The following SOCS4 variants were observed in gnomAD, a reference collection of about 807,000 sequenced individuals.
SOCS4 encodes SH2 domain containing SOCS box protein.
SOCS4 carries 20 observed loss-of-function variants against 34.1 expected under a neutral mutation model. The observed-to-expected ratio is 0.59, with a 90% CI of 0.41 to 0.85. The LOEUF (loss-of-function observed/expected upper bound fraction) is 0.85. SOCS4 is among the 40% of genes least tolerant of loss of function. SOCS4 has a pLI of 0.00. For synonymous variants in SOCS4, 180 were observed against 186.4 expected (o/e 0.97, Z 0.28); for missense variants, 479 against 532.4 (o/e 0.90, Z 0.99).
At chr14:55,038,310 A>G (rs1351549634) in intron 2 of SOCS4, among the ~76,000 whole-genome samples, 1 of 152,220 alleles carries the variant, frequency 6.6e-6, no homozygotes, top group Non-Finnish European at 1.5e-5. Context: ...ATCAAGTCTG[A>G]TAACCCAGGA....
rs537030559 is a variant in SOCS4 at position 55,035,831 on chromosome 14, C to T, written c.-91+3840C>T. On this transcript the variant is annotated intron_variant, in intron 2 of 2. Coordinates refer to ENST00000555846, the MANE Select transcript of SOCS4 (RefSeq NM_199421.2). ...GCACAAAACAGAAACTGGACTTAAA[C>T]CATGTTTCTTTTTTTTTTTTCTTCC... Among the ~76,000 whole-genome samples the T allele has an allele frequency of 5.9e-3, 776 of 130,954 alleles. 1 individual carries two copies. The highest frequency in any genetic ancestry group is 9.5e-3 in the Non-Finnish European group (592 of 62,332). The allele number at this position is 130,954 out of a possible 152,430, so 85.9% of individuals were successfully genotyped here. A position where few individuals can be genotyped will look rare whatever the true frequency, so the allele number is the denominator to read the frequency against.
At chr14:55,032,235 A>G (rs897577201) in intron 2 of SOCS4, among the ~76,000 whole-genome samples, 3 of 152,238 alleles carry the variant, frequency 2.0e-5, no homozygotes, top group Non-Finnish European at 4.4e-5. Context: ...AGAGGATACT[A>G]ATTAATTTCC....
chr14:55,044,325 T>TA lies in SOCS4; in HGVS notation c.1285dup (p.Arg429LysfsTer6), dbSNP rs771229549. ...AGGAATATCATTATAAATCAAAAGT[T>TA]AGAGTACTCAGGATTGATGCACCAG... On this transcript the variant is annotated frameshift_variant, in exon 3 of 3. Transcript: ENST00000555846. LOFTEE classifies it high-confidence loss of function. 3 of 1,613,078 alleles carry TA rather than the reference T, an allele frequency of 1.9e-6. No homozygotes were observed. The highest frequency in any genetic ancestry group is 1.7e-6 in the Non-Finnish European group (2 of 1,179,502).
At position 55,043,557 on chromosome 14, in the gene SOCS4, G is replaced by A. The variant is rs2042641311; in HGVS notation, c.516G>A (p.Arg172=). 6.2e-7 allele frequency: 1 copy of A among 1,614,092 alleles called. No individual in the cohort carries two copies. The highest frequency in any genetic ancestry group is 8.5e-7 in the Non-Finnish European group (1 of 1,180,010). ...CAGACTTGTCTCAGACTGAATTGAG[G>A]GATGGTCAGCTAAAACGAAGAAATA... is the stretch of plus-strand genomic sequence containing the variant. ...VSTDLSQTEL[R]DGQLKRRNME... is the part of the protein sequence containing the mutation. The change falls in exon 3 of 3, where the codon AGG becomes AGA. Residue 172 remains arginine, a synonymous_variant. Transcript: ENST00000555846.
rs2042673424 is a variant in SOCS4, at chr14:55,046,031, T to C, written c.*1667T>C. ...CTCTATTACCGTTATCTTTTAGCAT[T>C]TTTTTTTTCCTCAGTGATCTCAAGA... On this transcript the variant is annotated 3_prime_UTR_variant, in exon 3 of 3. Coordinates refer to ENST00000555846, the MANE Select transcript of SOCS4 (RefSeq NM_199421.2). 1 of 164,642 alleles carries C rather than the reference T, an allele frequency of 6.1e-6. No individual in the cohort carries two copies. The highest frequency in any genetic ancestry group is 1.5e-5 in the Non-Finnish European group (1 of 67,814). 10.2% of individuals were successfully genotyped at this position (164,642 alleles called of 1,614,324 possible). A position where few individuals can be genotyped will look rare whatever the true frequency, so the allele number is the denominator to read the frequency against.
At chr14:55,037,530 G>T (rs190204584) in intron 2 of SOCS4, among the ~76,000 whole-genome samples, 10 of 149,412 alleles carry the variant, frequency 6.7e-5, no homozygotes, top group Admixed American at 3.3e-4. Context: ...TTTCACTCTT[G>T]TCACCCAGGC....
rs528227939 is a variant in SOCS4, at chr14:55,047,892, G to A, written c.*3528G>A. On this transcript the variant is annotated 3_prime_UTR_variant, in exon 3 of 3. Coordinates refer to ENST00000555846, the MANE Select transcript of SOCS4 (RefSeq NM_199421.2). ...TCATTTTATAGATCCACGCAATAGAGAGCTTCCTTCCTATGAAACAAAAAC... is the reference window on the plus strand; with the variant it reads ...TCATTTTATAGATCCACGCAATAGAAAGCTTCCTTCCTATGAAACAAAAAC... The A allele has an allele frequency of 3.6e-5, 6 of 167,190 alleles. No homozygotes were observed. In the South Asian group the frequency reaches 1.0e-3, roughly 29 times the overall value. 10.4% of individuals were successfully genotyped at this position (167,190 alleles called of 1,614,324 possible).
At chr14:55,038,842 G>C (rs918086224) in intron 2 of SOCS4, among the ~76,000 whole-genome samples, 2 of 152,142 alleles carry the variant, frequency 1.3e-5, no homozygotes, top group Non-Finnish European at 2.9e-5. Context: ...TACCTGCTCT[G>C]TTGGCTTGTG....
At position 55,043,183 on chromosome 14, in the gene SOCS4, G is replaced by C. The variant is rs764642725; in HGVS notation, c.142G>C (p.Asp48His). 2 of 1,614,254 alleles carry C rather than the reference G, an allele frequency of 1.2e-6. No individual in the cohort carries two copies. Among genetic ancestry groups the C allele is most frequent in the African/African-American group, 2.7e-5 (2 of 75,068 alleles). ...SWSKKSESYS[D>H]AETVNGIEKT... ...GTCAAAAAAGAGTGAGAGTTATTCAGATGCTGAGACAGTGAATGGTATAGA... is the reference window on the plus strand; with the variant it reads ...GTCAAAAAAGAGTGAGAGTTATTCACATGCTGAGACAGTGAATGGTATAGA... Residue 48 changes from aspartate to histidine, a missense_variant, in exon 3 of 3, where the codon GAT (aspartate) becomes CAT (histidine). Transcript: ENST00000555846.
At chr14:55,033,487 C>A (rs1276980954) in intron 2 of SOCS4, among the ~76,000 whole-genome samples, 1 of 152,126 alleles carries the variant, frequency 6.6e-6, no homozygotes, top group Non-Finnish European at 1.5e-5. Flanking sequence ...CTCTCCATAG[C>A]ACACAGTTAT....
chr14:55,041,783 C>CTTTTTTTTTTTTTTTTTTTTTT lies in SOCS4; in HGVS notation c.-90-1164_-90-1143dup, dbSNP rs35998700. 1.9e-3 allele frequency among the ~76,000 whole-genome samples: 76 copies of CTTTTTTTTTTTTTTTTTTTTTT among 40,080 alleles called. 15 individuals carry two copies. The highest frequency in any genetic ancestry group is 3.4e-3 in the East Asian group (3 of 894). 26.3% of individuals were successfully genotyped at this position (40,080 alleles called of 152,430 possible). A position where few individuals can be genotyped will look rare whatever the true frequency, so the allele number is the denominator to read the frequency against. ...CCACCGTGCCCAGCCAACCCTTAAT[C>CTTTTTTTTTTTTTTTTTTTTTT]TTTTTTTTTTTTTTTTTTTTTTTTT... On this transcript the variant is annotated intron_variant, in intron 2 of 2. Transcript: ENST00000555846.
rs1427956800 is a variant in SOCS4, at chr14:55,044,042, G to A, written c.1001G>A (p.Arg334Lys). Residue 334 changes from arginine (R) to lysine (K), a missense_variant, in exon 3 of 3, where the codon AGA becomes AAA. Transcript: ENST00000555846. ...FRRYSRSLHA[R>K]IEQWNHNFSF... ...CGCTATAGTCGTTCTCTTCATGCTA[G>A]AATTGAACAGTGGAATCACAACTTT... is the stretch of plus-strand genomic sequence containing the variant. The A allele has an allele frequency of 1.2e-6, 2 of 1,614,124 alleles. No homozygotes were observed. The highest frequency in any genetic ancestry group is 1.7e-6 in the Non-Finnish European group (2 of 1,179,982).
chr14:55,037,304 C>A (rs910605199), intron 2 of SOCS4, among the ~76,000 whole-genome samples: 3 of 151,602 alleles, frequency 2.0e-5, no homozygotes, highest in Admixed American at 6.6e-5. Flanking sequence ...ACCACTGTGC[C>A]CAGCTAATTT....
rs1355725079 is a variant in SOCS4, at chr14:55,049,473, C to T, written c.*5109C>T. 1 of 166,968 alleles carries T rather than the reference C, an allele frequency of 6.0e-6. No individual in the cohort carries two copies. The highest frequency in any genetic ancestry group is 2.4e-5 in the African/African-American group (1 of 41,434). 10.3% of individuals were successfully genotyped at this position (166,968 alleles called of 1,614,324 possible). A position where few individuals can be genotyped will look rare whatever the true frequency, so the allele number is the denominator to read the frequency against. ...TTTCATTTCTACTTAATTAAAACTT[C>T]CTATGTAAAATCCAAAGGCTTTGTG... On this transcript the variant is annotated 3_prime_UTR_variant, in exon 3 of 3. Transcript: ENST00000555846.
intron 2 of SOCS4, among the ~76,000 whole-genome samples, chr14:55,037,984 G>T (rs761185024): frequency 5.3e-5 from 8 of 152,268 alleles, no homozygotes; most frequent in Admixed American, 2.0e-4. Flanking sequence ...TGCTATTAAA[G>T]ACATACCCAA....
intron 2 of SOCS4, among the ~76,000 whole-genome samples, chr14:55,042,422 G>A (rs571146260): frequency 9.9e-5 from 15 of 152,094 alleles, no homozygotes; most frequent in Non-Finnish European, 2.1e-4. Flanking sequence ...AATGGTGATT[G>A]TTTATTTAAT....
At chr14:55,038,495 T>A (rs1004873965) in intron 2 of SOCS4, among the ~76,000 whole-genome samples, 3 of 152,178 alleles carry the variant, frequency 2.0e-5, no homozygotes, top group African/African-American at 7.2e-5. Flanking sequence ...ATTCTCTTTC[T>A]CCAGGAAAGT....
chr14:55,030,833 TCAC>T (rs2042522073), intron 1 of SOCS4, among the ~76,000 whole-genome samples: 1 of 152,186 alleles, frequency 6.6e-6, no homozygotes, highest in Non-Finnish European at 1.5e-5. Context: ...TATTTCATCT[TCAC>T]CATGTTTATT....
Position 55,043,815 on chromosome 14 carries a change from G to A in SOCS4, c.774G>A (p.Leu258=). The change falls in exon 3 of 3, where the codon TTG becomes TTA. Residue 258 remains leucine, a synonymous_variant. Transcript: ENST00000555846. The part of the protein sequence containing the change: ...KWDLDDEILQ[L]ETPPKYHTQI... ...ATTTGGATGATGAAATCCTGCAGTT[G>A]GAAACACCTCCTAAATACCACACGC... 3 of 1,614,116 alleles carry A rather than the reference G, an allele frequency of 1.9e-6. No homozygotes were observed. The highest frequency in any genetic ancestry group is 2.5e-6 in the Non-Finnish European group (3 of 1,180,014).
Sources: allele counts gnomAD v4.1 joint callset (sites outside exome capture counted in the v4.1 genomes callset), GRCh38; gene constraint gnomAD v4.1.1; transcripts MANE v1.5; gene names NCBI Gene and HGNC (gene_info 2026-07-23, HGNC 2026-07-21).